Variants in CNPPD1 observed in about 807,000 individuals in gnomAD.
The protein encoded by CNPPD1 is cyclin Pas1/PHO80 domain containing 1, also known as protein CNPPD1.
CNPPD1 carries 40 observed loss-of-function variants against 43.7 expected under a neutral mutation model. The observed-to-expected ratio is 0.92, with a 90% CI of 0.71 to 1.19. CNPPD1 has a LOEUF of 1.19. Ranked by LOEUF, CNPPD1 falls within the 50% of genes most tolerant of loss-of-function variation. The pLI, the probability that CNPPD1 is intolerant of heterozygous loss-of-function variation, is 0.00. For missense variants in CNPPD1, 511 were observed against 518.5 expected, an observed-to-expected ratio of 0.99 and a Z score of 0.14; for synonymous variants, 208 against 214.3, an observed-to-expected ratio of 0.97 and a Z score of 0.26.
intron 2 of CNPPD1, among the ~76,000 whole-genome samples, chr2:219,176,004 T>C (rs985717969): frequency 7.2e-5 from 11 of 152,248 alleles, no homozygotes; most frequent in Non-Finnish European, 1.6e-4. Flanking sequence ...TTTCAATATA[T>C]AAATCAAGAG....
rs1950172342 is a variant in CNPPD1, at chr2:219,176,758, A to T, written c.69+2T>A. ...CGGGGAGGGGGCGGGACCCCCACTC[A>T]CCGTGAAGTCCTGGAAGCCGGCGAG... On this transcript the variant is annotated splice_donor_variant, in intron 1 of 7. Transcript: ENST00000360507. LOFTEE classifies it high-confidence loss of function. 6.4e-7 allele frequency: 1 copy of T among 1,572,664 alleles called. No individual in the cohort carries two copies. The highest frequency in any genetic ancestry group is 1.8e-5 in the Admixed American group (1 of 54,102).
At chr2:219,174,641 G>A in intron 5 of CNPPD1, 137 bp downstream of exon 5, 4 of 1,236,550 alleles carry the variant, frequency 3.2e-6, no homozygotes, top group Non-Finnish European at 4.4e-6. Context: ...GATAGGAAAG[G>A]AAGACACTAA....
chr2:219,173,177 C>A, intron 7 of CNPPD1, 49 bp from the exon 8 acceptor site: 2 of 1,509,894 alleles, frequency 1.3e-6, no homozygotes, highest in South Asian at 2.6e-5. Context: ...AACACATTCA[C>A]CCCTTGTCTC....
intron 1 of CNPPD1, 180 bp from the exon 2 acceptor site, chr2:219,176,511 G>A: frequency 1.6e-6 from 1 of 626,958 alleles, no homozygotes; most frequent in Non-Finnish European, 2.8e-6. Context: ...ATAGAGGGAG[G>A]AATGCCCCCA....
At position 219,172,333 on chromosome 2, in the gene CNPPD1, T is replaced by G; in HGVS notation, c.*253A>C. The stretch of plus-strand genomic sequence containing the variant: ...AGGCAGAGAGGGGCTTCTATGTCCA[T>G]CTGGGACATGTCCCTGGTCACCAAG... On this transcript the variant is annotated 3_prime_UTR_variant, in exon 8 of 8. Transcript: ENST00000360507. 3.6e-6 allele frequency: 2 copies of G among 558,918 alleles called. No individual in the cohort carries two copies. Among genetic ancestry groups the G allele is most frequent in the Non-Finnish European group, 6.4e-6 (2 of 314,064 alleles). 34.6% of individuals were successfully genotyped at this position (558,918 alleles called of 1,614,324 possible). A position where few individuals can be genotyped will look rare whatever the true frequency, so the allele number is the denominator to read the frequency against.
At chr2:219,173,257 C>T (rs1950104773) in intron 7 of CNPPD1, 93 bp downstream of exon 7, 1 of 1,438,786 alleles carries the variant, frequency 7.0e-7, no homozygotes, top group Non-Finnish European at 9.6e-7. Context: ...TATTCCCAAC[C>T]CCATCTCCTG....
At chr2:219,176,691 G>T in intron 1 of CNPPD1, 69 bp downstream of exon 1, 2 of 1,216,608 alleles carry the variant, frequency 1.6e-6, no homozygotes, top group Non-Finnish European at 2.3e-6. Flanking sequence ...AGTCAGGCGA[G>T]CTCGCAGCGC....
Position 219,174,186 on chromosome 2 carries a change from G to A in CNPPD1, c.532C>T (p.Pro178Ser). The A allele has an allele frequency of 1.2e-6, 2 of 1,614,134 alleles. No homozygotes were observed. The highest frequency in any genetic ancestry group is 1.7e-6 in the Non-Finnish European group (2 of 1,180,030). The stretch of plus-strand genomic sequence containing the variant: ...CTCAGCACCTCAAAGATCTCCCGAG[G>A]GTCAGTGTAGAGATGCCAATCCTGT... ...SAMDWHLYTDPREIFEVLSWL... is the reference protein window; with the variant it reads ...SAMDWHLYTDSREIFEVLSWL... The change falls in exon 6 of 8, where the codon CCT becomes TCT. Residue 178 changes from proline to serine, a missense_variant. By Grantham distance (74) the Pro-to-Ser change is moderately conservative. Coordinates refer to ENST00000360507, the MANE Select transcript of CNPPD1 (RefSeq NM_015680.6).
chr2:219,175,062 T>C lies in CNPPD1; in HGVS notation c.307A>G (p.Ile103Val), dbSNP rs376329892. The change falls in exon 4 of 8, where the codon ATT becomes GTT. Residue 103 changes from isoleucine (I) to valine (V), a missense_variant. Physicochemically the swap from Ile to Val is conservative, Grantham distance 29 (BLOSUM62 3). Coordinates refer to ENST00000360507, the MANE Select transcript of CNPPD1 (RefSeq NM_015680.6). ...PCAMMLALVY[I>V]ERLRHRNPDY... ...GGGTTTCGGTGCCGGAGCCGTTCAATGTACACCAGAGCCAGCATCATAGCA... is the reference window on the plus strand; with the variant it reads ...GGGTTTCGGTGCCGGAGCCGTTCAACGTACACCAGAGCCAGCATCATAGCA... The C allele has an allele frequency of 6.8e-6, 11 of 1,612,908 alleles. No individual in the cohort carries two copies. In the African/African-American group the frequency reaches 9.4e-5, roughly 14 times the overall value.
At position 219,173,058 on chromosome 2, in the gene CNPPD1, T is replaced by A. The variant is rs779672358; in HGVS notation, c.761A>T (p.His254Leu). The change falls in exon 8 of 8, where the codon CAT (histidine) becomes CTT (leucine). Residue 254 changes from histidine (H) to leucine (L), a missense_variant. By Grantham distance (99) the His-to-Leu change is moderately conservative (BLOSUM62 -3). Coordinates refer to ENST00000360507, the MANE Select transcript of CNPPD1 (RefSeq NM_015680.6). ...ALAVASVAVI[H>L]QSLGLSCIPT... ...GATGCAGGACAGCCCCAAAGACTGATGTATTACGGCCACCGATGCCACAGC... is the reference window on the plus strand; with the variant it reads ...GATGCAGGACAGCCCCAAAGACTGAAGTATTACGGCCACCGATGCCACAGC... 6.2e-7 allele frequency: 1 copy of A among 1,611,154 alleles called. No individual in the cohort carries two copies. The highest frequency in any genetic ancestry group is 1.3e-5 in the African/African-American group (1 of 74,946).
chr2:219,175,535 A>T, intron 3 of CNPPD1, 56 bp downstream of exon 3: 6 of 1,349,386 alleles, frequency 4.4e-6, no homozygotes, highest in South Asian at 1.2e-5. Context: ...AGAAAAGACG[A>T]TTCCCCTTTC....
rs533265205 is a variant in CNPPD1 at position 219,174,182 on chromosome 2, C to T, written c.536G>A (p.Arg179Gln). ...CCAGCTCAGCACCTCAAAGATCTCC[C>T]GAGGGTCAGTGTAGAGATGCCAATC... Reference protein sequence around the residue: ...AMDWHLYTDPREIFEVLSWLE... With the variant: ...AMDWHLYTDPQEIFEVLSWLE... Residue 179 changes from arginine to glutamine, a missense_variant, in exon 6 of 8, where the codon CGG becomes CAG. Coordinates refer to ENST00000360507, the MANE Select transcript of CNPPD1 (RefSeq NM_015680.6). 83 of 1,614,130 alleles carry T rather than the reference C, an allele frequency of 5.1e-5. 1 individual carries two copies. The South Asian group carries it at 6.0e-4, about 12-fold the overall frequency.
chr2:219,172,525 T>G lies in CNPPD1; in HGVS notation c.*61A>C. ...GAGGCAGACAGGATCTGAATCAAGC[T>G]TTGCTCCTCCAGGTTCTCAGAAACT... On this transcript the variant is annotated 3_prime_UTR_variant, in exon 8 of 8. Coordinates refer to ENST00000360507, the MANE Select transcript of CNPPD1 (RefSeq NM_015680.6). 1 of 1,566,062 alleles carries G rather than the reference T, an allele frequency of 6.4e-7. No homozygotes were observed. Among genetic ancestry groups the G allele is most frequent in the Non-Finnish European group, 8.8e-7 (1 of 1,137,908 alleles).
intron 2 of CNPPD1, 114 bp from the exon 3 acceptor site, chr2:219,175,786 G>A (rs1346765349): frequency 5.9e-6 from 5 of 844,920 alleles, no homozygotes; most frequent in East Asian, 2.5e-5. Flanking sequence ...TTGGGGACAG[G>A]ACCATAGTAA....
At position 219,176,754 on chromosome 2, in the gene CNPPD1, A is replaced by G; in HGVS notation, c.69+6T>C. 2 of 1,567,690 alleles carry G rather than the reference A, an allele frequency of 1.3e-6. No homozygotes were observed. The highest frequency in any genetic ancestry group is 1.7e-6 in the Non-Finnish European group (2 of 1,156,720). ...AGGCCGGGGAGGGGGCGGGACCCCC[A>G]CTCACCGTGAAGTCCTGGAAGCCGG... On this transcript the variant is annotated splice_donor_region_variant and intron_variant, in intron 1 of 7. Coordinates refer to ENST00000360507, the MANE Select transcript of CNPPD1 (RefSeq NM_015680.6).
At position 219,173,417 on chromosome 2, in the gene CNPPD1, A is replaced by G. The variant is rs751158910; in HGVS notation, c.623T>C (p.Leu208Pro). The G allele has an allele frequency of 1.2e-6, 2 of 1,613,840 alleles. No individual in the cohort carries two copies. Among genetic ancestry groups the G allele is most frequent in the Non-Finnish European group, 1.7e-6 (2 of 1,179,972 alleles). The change falls in exon 7 of 8, where the codon CTG (leucine) becomes CCG (proline). Residue 208 changes from leucine to proline, a missense_variant. Coordinates refer to ENST00000360507, the MANE Select transcript of CNPPD1 (RefSeq NM_015680.6). Reference sequence around the variant, plus strand: ...GGTCGGCTGCTCCAGCAGCACACACAGGTCTGTGTAGGTGTACCAGCCTCG... The same window carrying G: ...GGTCGGCTGCTCCAGCAGCACACACGGGTCTGTGTAGGTGTACCAGCCTCG... ...RWRGWYTYTDLCVLLEQPTWQ... is the reference protein window; with the variant it reads ...RWRGWYTYTDPCVLLEQPTWQ...
rs777391077 is a variant in CNPPD1 at position 219,173,344 on chromosome 2, C to T, written c.690+6G>A. 1.4e-5 allele frequency: 23 copies of T among 1,611,910 alleles called. No homozygotes were observed. The highest frequency in any genetic ancestry group is 1.8e-4 in the Middle Eastern group (1 of 5,646). On this transcript the variant is annotated splice_donor_region_variant and intron_variant, in intron 7 of 7. Coordinates refer to ENST00000360507, the MANE Select transcript of CNPPD1 (RefSeq NM_015680.6). ...AAGCTCCCTATCCTTCCGAGCCCCT[C>T]CTCACCTTTACCAGCCGCTGGCAGA...
upstream of CNPPD1, chr2:219,177,176 A>C: frequency 4.5e-6 from 1 of 224,528 alleles, no homozygotes; most frequent in Non-Finnish European, 8.7e-6. Flanking sequence ...GGCGTTTACA[A>C]GCCGCGGGGG....
At chr2:219,177,053 G>C (rs769563493), upstream of CNPPD1, 12 of 455,918 alleles carry the variant, frequency 2.6e-5, no homozygotes, top group Non-Finnish European at 1.9e-5. Context: ...CGCGGCGCGC[G>C]GGGGCCCTAG....
Sources: allele counts gnomAD v4.1 joint callset (sites outside exome capture counted in the v4.1 genomes callset), GRCh38; gene constraint gnomAD v4.1.1; transcripts MANE v1.5; gene names NCBI Gene and HGNC (gene_info 2026-07-23, HGNC 2026-07-21).